Variants in IL1RAPL1 observed in about 807,000 individuals in gnomAD.
IL1RAPL1 encodes the protein interleukin 1 receptor accessory protein like 1.
In IL1RAPL1, 3 loss-of-function variants were observed where a neutral mutation model predicts 48.4. The observed-to-expected ratio is 0.06, with a 90% confidence interval of 0.03 to 0.16. The LOEUF (loss-of-function observed/expected upper bound fraction) is 0.16. IL1RAPL1 is among the 10% of genes least tolerant of loss of function. The pLI is 1.00. For synonymous variants in IL1RAPL1, 185 were observed against 187.7 expected (o/e 0.99, Z 0.12); for missense variants, 349 against 530.6 (o/e 0.66, Z 3.36).
At chrX:29,723,310 G>A (rs930549129) in intron 6 of IL1RAPL1, among the ~76,000 whole-genome samples, 7 of 112,482 alleles carry the variant, frequency 6.2e-5, no homozygotes, top group African/African-American at 1.6e-4. Context: ...GTGCAGTGGT[G>A]CGATCTCGGC....
chrX:29,723,182 A>G (rs1008603643), intron 6 of IL1RAPL1, among the ~76,000 whole-genome samples: 2 of 112,408 alleles, frequency 1.8e-5, no homozygotes, highest in Admixed American at 9.4e-5. Flanking sequence ...ATGATTTTTT[A>G]AAACAGTATT....
intron 5 of IL1RAPL1, among the ~76,000 whole-genome samples, chrX:29,636,262 G>A (rs1227304124): frequency 9.0e-6 from 1 of 111,621 alleles, no homozygotes; most frequent in Non-Finnish European, 1.9e-5. Flanking sequence ...TATAATTCAC[G>A]GAAGATAAAA....
chrX:29,105,094 C>G (rs1017924110), intron 2 of IL1RAPL1, among the ~76,000 whole-genome samples: 1 of 111,397 alleles, frequency 9.0e-6, no homozygotes, highest in Admixed American at 9.6e-5. Flanking sequence ...CTACCCCTGG[C>G]TGCGGGAAAG....
At chrX:29,327,480 TC>T (rs1053560342) in intron 3 of IL1RAPL1, among the ~76,000 whole-genome samples, 19 of 101,131 alleles carry the variant, frequency 1.9e-4, no homozygotes, top group Non-Finnish European at 3.4e-4. Flanking sequence ...TAAATTAAAC[TC>T]TTAGCTAGGT....
At chrX:29,385,603 A>C (rs1933766403) in intron 3 of IL1RAPL1, among the ~76,000 whole-genome samples, 1 of 112,577 alleles carries the variant, frequency 8.9e-6, no homozygotes, top group African/African-American at 3.2e-5. Flanking sequence ...ATCATACAAT[A>C]TTTATCCTTT....
intron 6 of IL1RAPL1, among the ~76,000 whole-genome samples, chrX:29,806,844 G>A (rs1312256465): frequency 9.0e-6 from 1 of 110,973 alleles, no homozygotes; most frequent in African/African-American, 3.3e-5. Context: ...ACTGGTGGGA[G>A]GTGATTGGAT....
At chrX:28,775,502 C>T (rs1936354267) in intron 1 of IL1RAPL1, among the ~76,000 whole-genome samples, 1 of 111,951 alleles carries the variant, frequency 8.9e-6, no homozygotes, top group Admixed American at 9.5e-5. Flanking sequence ...CCCATCTTAA[C>T]TTGATTTTAT....
intron 2 of IL1RAPL1, among the ~76,000 whole-genome samples, chrX:28,981,755 C>T (rs916860894): frequency 3.6e-5 from 4 of 111,713 alleles, no homozygotes; most frequent in African/African-American, 9.8e-5. Flanking sequence ...TTGGCATTCA[C>T]GGCAGTTAGG....
At chrX:29,738,747 T>C (rs890773535) in intron 6 of IL1RAPL1, among the ~76,000 whole-genome samples, 2 of 112,215 alleles carry the variant, frequency 1.8e-5, no homozygotes, top group African/African-American at 6.5e-5. Context: ...CTTGTCATTT[T>C]GTTACCGTTA....
Position 29,642,270 on chromosome X carries a change from C to T in IL1RAPL1, c.704-26160C>T, listed in dbSNP as rs1350148999. Among the ~76,000 whole-genome samples the T allele has an allele frequency of 2.7e-5, 3 of 111,892 alleles. No homozygotes were observed. In the East Asian group the frequency reaches 8.4e-4, roughly 31 times the overall value. ...ACTCTTATTTTGTATTAAAGCCCTG[C>T]GCTAATATTTCTAACGTTCTCTTTT... On this transcript the variant is annotated intron_variant, in intron 5 of 10. Transcript: ENST00000378993.
chrX:28,846,534 T>C (rs983500095), intron 2 of IL1RAPL1, among the ~76,000 whole-genome samples: 2 of 111,743 alleles, frequency 1.8e-5, no homozygotes, highest in Middle Eastern at 4.2e-3. Context: ...CTATTTTGCA[T>C]TCCAAACTAC....
intron 2 of IL1RAPL1, among the ~76,000 whole-genome samples, chrX:29,263,831 T>TTC (rs1347796392): frequency 2.2e-5 from 2 of 90,611 alleles, no homozygotes; most frequent in Admixed American, 2.6e-4. Context: ...TCATTCATCA[T>TTC]TCTCTCTCTC....
chrX:28,954,033 C>G (rs979798075), intron 2 of IL1RAPL1, among the ~76,000 whole-genome samples: 1 of 111,430 alleles, frequency 9.0e-6, no homozygotes, highest in Non-Finnish European at 1.9e-5. Flanking sequence ...TCATATGGTG[C>G]ATAAAGCTCT....
At chrX:29,171,060 G>A (rs905084544) in intron 2 of IL1RAPL1, among the ~76,000 whole-genome samples, 1 of 110,917 alleles carries the variant, frequency 9.0e-6, no homozygotes, top group Non-Finnish European at 1.9e-5. Context: ...ACAGTGGCAC[G>A]ATCTCGGCTC....
At chrX:29,813,161 C>T (rs766839860) in intron 6 of IL1RAPL1, among the ~76,000 whole-genome samples, 7 of 111,164 alleles carry the variant, frequency 6.3e-5, no homozygotes, top group South Asian at 3.8e-4. Context: ...AATATATATC[C>T]GGGAAATATT....
At chrX:29,517,984 G>A (rs1467364853) in intron 5 of IL1RAPL1, among the ~76,000 whole-genome samples, 1 of 111,670 alleles carries the variant, frequency 9.0e-6, no homozygotes, top group Admixed American at 9.5e-5. Context: ...AGAGGAAGAG[G>A]AACCGTCATT....
chrX:29,581,829 C>G (rs1213013253), intron 5 of IL1RAPL1, among the ~76,000 whole-genome samples: 2 of 111,490 alleles, frequency 1.8e-5, no homozygotes, highest in African/African-American at 6.5e-5. Flanking sequence ...ACACAATAAA[C>G]TGTTGATTGA....
Position 29,441,835 on chromosome X carries a change from A to T in IL1RAPL1, c.703+42527A>T, listed in dbSNP as rs193098379. 9.0e-3 allele frequency among the ~76,000 whole-genome samples: 1,008 copies of T among 112,184 alleles called. 8 individuals are homozygous for T. The highest frequency in any genetic ancestry group is 0.046 in the Middle Eastern group (10 of 216). On this transcript the variant is annotated intron_variant, in intron 5 of 10. Transcript: ENST00000378993. ...AAATGTTCTTATTTCAGCATTTTAT[A>T]TATTTTTAACATCTTTATTTTGAAA...
chrX:29,605,112 AC>A (rs1923849082), intron 5 of IL1RAPL1, among the ~76,000 whole-genome samples: 1 of 101,441 alleles, frequency 9.9e-6, no homozygotes, highest in African/African-American at 3.6e-5. Flanking sequence ...ACACACACAC[AC>A]ACACACACAC....
Sources: gnomAD v4.1 joint callset for allele counts (sites outside exome capture counted in the v4.1 genomes callset) on GRCh38, gnomAD v4.1.1 for gene constraint, MANE v1.5 for transcripts, NCBI Gene and HGNC (gene_info 2026-07-23, HGNC 2026-07-21) for gene names.